GRAMD1C: variants seen among roughly 807,000 people sequenced by gnomAD.
The protein encoded by GRAMD1C is GRAM domain containing 1C.
In GRAMD1C, 89 loss-of-function variants were observed where a neutral mutation model predicts 97.8. The observed-to-expected ratio is 0.91, with a 90% confidence interval of 0.77 to 1.09. GRAMD1C has a LOEUF of 1.09. Ranked by LOEUF, GRAMD1C falls within the 50% of genes least tolerant of loss-of-function variation. GRAMD1C has a pLI of 0.00. For missense variants in GRAMD1C, 740 were observed against 766.4 expected (o/e 0.97, Z 0.41); for synonymous variants, 256 against 267.0 (o/e 0.96, Z 0.40).
At position 113,945,512 on chromosome 3, in the gene GRAMD1C, G is replaced by A. The variant is rs755395885; in HGVS notation, c.*34G>A. 3 of 1,112,064 alleles carry A rather than the reference G, an allele frequency of 2.7e-6. No individual in the cohort carries two copies. Among genetic ancestry groups the A allele is most frequent in the Non-Finnish European group, 4.1e-6 (3 of 739,070 alleles). The allele number at this position is 1,112,064 out of a possible 1,614,324, so 68.9% of individuals were successfully genotyped here. On this transcript the variant is annotated 3_prime_UTR_variant, in exon 18 of 18. Coordinates refer to ENST00000358160, the MANE Select transcript of GRAMD1C (RefSeq NM_017577.5). ...AGGACTAAAACCGCAGAGATACTTGGAACTTAAAGAAAATACCTGGAAGAA... is the reference window on the plus strand; with the variant it reads ...AGGACTAAAACCGCAGAGATACTTGAAACTTAAAGAAAATACCTGGAAGAA...
At chr3:113,943,824 G>T (rs909253280) in intron 17 of GRAMD1C, among the ~76,000 whole-genome samples, 5 of 152,184 alleles carry the variant, frequency 3.3e-5, no homozygotes, top group African/African-American at 1.2e-4. Context: ...TGAGGCAGGA[G>T]AATTGTTTGA....
rs1936962633 is a variant in GRAMD1C at position 113,919,604 on chromosome 3, A to G, written c.1090+3766A>G. 6.6e-6 allele frequency: 4 copies of G among 604,292 alleles called. 1 individual carries two copies. The highest frequency in any genetic ancestry group is 5.9e-5 in the South Asian group (4 of 67,842). 37.4% of individuals were successfully genotyped at this position (604,292 alleles called of 1,614,324 possible). ...TGACATCGGTGCCAGTGTTCACTTG[A>G]GGTATTTTCTTAAAGTGACAATAGT... is the stretch of plus-strand genomic sequence containing the variant. On this transcript the variant is annotated intron_variant, in intron 10 of 17. Transcript: ENST00000358160.
intron 17 of GRAMD1C, among the ~76,000 whole-genome samples, chr3:113,944,921 G>A (rs1937995546): frequency 6.6e-6 from 1 of 152,218 alleles, no homozygotes; most frequent in Non-Finnish European, 1.5e-5. Flanking sequence ...CAGTGTCAAA[G>A]TGTTAAGTAG....
chr3:113,850,651 G>A, intron 2 of GRAMD1C: 2 of 1,606,618 alleles, frequency 1.2e-6, no homozygotes, highest in Non-Finnish European at 1.7e-6. Context: ...TAGGCATGTG[G>A]ACGTCCTTCT....
intron 12 of GRAMD1C, 49 bp downstream of exon 12, chr3:113,933,702 G>T: frequency 1.5e-6 from 2 of 1,319,458 alleles, no homozygotes; most frequent in Non-Finnish European, 2.1e-6. Flanking sequence ...TTATGTCCTG[G>T]TAATTTATTC....
At chr3:113,886,150 C>G (rs1165653292) in intron 6 of GRAMD1C, 1 of 1,456,974 alleles carries the variant, frequency 6.9e-7, no homozygotes, top group Non-Finnish European at 9.1e-7. Flanking sequence ...AGGGTCTGCC[C>G]CTCCCACCCC....
intron 11 of GRAMD1C, among the ~76,000 whole-genome samples, chr3:113,931,507 C>A (rs761353043): frequency 1.3e-5 from 2 of 151,900 alleles, no homozygotes; most frequent in Non-Finnish European, 2.9e-5. Context: ...TACAGGCGCA[C>A]GCCACCATGC....
chr3:113,838,593 G>T, upstream of GRAMD1C: 8 of 279,264 alleles, frequency 2.9e-5, no homozygotes, highest in East Asian at 6.1e-5. Context: ...AAAAAAAAAA[G>T]TTTCCGAGCA....
chr3:113,896,836 A>G (rs1289466398), intron 6 of GRAMD1C, among the ~76,000 whole-genome samples: 1 of 152,218 alleles, frequency 6.6e-6, no homozygotes, highest in Non-Finnish European at 1.5e-5. Context: ...ATGACTAGGT[A>G]GAAATTAGGG....
chr3:113,946,580 A>G lies in GRAMD1C; in HGVS notation c.*1102A>G, dbSNP rs1349880242. 1 of 152,224 alleles carries G rather than the reference A, an allele frequency of 6.6e-6. No individual in the cohort carries two copies. Among genetic ancestry groups the G allele is most frequent in the Admixed American group, 6.5e-5 (1 of 15,286 alleles). 9.4% of individuals were successfully genotyped at this position (152,224 alleles called of 1,614,324 possible). A position where few individuals can be genotyped will look rare whatever the true frequency, so the allele number is the denominator to read the frequency against. ...ACTTTGTAAACTGACTTAAAATCAGATATTTTTTCAAGAGTTAGGGAAAGT... is the reference window on the plus strand; with the variant it reads ...ACTTTGTAAACTGACTTAAAATCAGGTATTTTTTCAAGAGTTAGGGAAAGT... On this transcript the variant is annotated 3_prime_UTR_variant, in exon 18 of 18. Transcript: ENST00000358160.
chr3:113,896,599 A>G, intron 6 of GRAMD1C, among the ~76,000 whole-genome samples: 1 of 152,206 alleles, frequency 6.6e-6, no homozygotes, highest in South Asian at 2.1e-4. Context: ...AATTTCAGTC[A>G]ATGAGAACTA....
At position 113,901,255 on chromosome 3, in the gene GRAMD1C, T is replaced by TAA. The variant is rs1936161169; in HGVS notation, c.656+109_656+110insAA. 11 of 649,800 alleles carry TAA rather than the reference T, an allele frequency of 1.7e-5. No homozygotes were observed. The South Asian group carries it at 1.9e-4, about 11-fold the overall frequency. The allele number at this position is 649,800 out of a possible 1,614,324, so 40.3% of individuals were successfully genotyped here. ...TCTAGTAATTTATCTTTGGCTGCCA[T>TAA]TTGCCCCTTTGTTCTTTGTGGTGGA... is the stretch of plus-strand genomic sequence containing the variant. On this transcript the variant is annotated intron_variant, in intron 7 of 17. Coordinates refer to ENST00000358160, the MANE Select transcript of GRAMD1C (RefSeq NM_017577.5).
At chr3:113,934,597 G>A in intron 13 of GRAMD1C, 62 bp downstream of exon 13, 1 of 749,466 alleles carries the variant, frequency 1.3e-6, no homozygotes, top group East Asian at 2.7e-5. Context: ...AAAATGGATT[G>A]ATTCTTCATT....
chr3:113,888,816 A>C (rs939899867), intron 6 of GRAMD1C, among the ~76,000 whole-genome samples: 1 of 152,228 alleles, frequency 6.6e-6, no homozygotes, highest in Non-Finnish European at 1.5e-5. Flanking sequence ...TTCTTGCAAA[A>C]ACTTGTACCC....
At chr3:113,866,013 C>G (rs534227257) in intron 2 of GRAMD1C, among the ~76,000 whole-genome samples, 5 of 151,828 alleles carry the variant, frequency 3.3e-5, no homozygotes, top group Non-Finnish European at 5.9e-5. Context: ...ATGGTCTGTT[C>G]TGGAGAATGT....
intron 10 of GRAMD1C, among the ~76,000 whole-genome samples, chr3:113,929,943 C>T (rs1028554077): frequency 2.6e-4 from 39 of 152,252 alleles, no homozygotes; most frequent in African/African-American, 9.4e-4. Flanking sequence ...TCGATTTGTG[C>T]TGGGGCATTA....
chr3:113,917,566 A>AC (rs1173206672), intron 10 of GRAMD1C, among the ~76,000 whole-genome samples: 1 of 151,644 alleles, frequency 6.6e-6, no homozygotes, highest in African/African-American at 2.4e-5. Flanking sequence ...AAGCAATCTA[A>AC]CCCCCTCAGC....
intron 6 of GRAMD1C, chr3:113,885,375 C>T: frequency 1.3e-6 from 2 of 1,590,350 alleles, no homozygotes; most frequent in East Asian, 4.5e-5. Flanking sequence ...TCTTCATTTA[C>T]CTTTTGCGGG....
At chr3:113,917,983 G>C (rs1345137714) in intron 10 of GRAMD1C, among the ~76,000 whole-genome samples, 2 of 151,248 alleles carry the variant, frequency 1.3e-5, no homozygotes, top group South Asian at 4.2e-4. Flanking sequence ...GATTATAGGC[G>C]TGAGCCACTG....
Sources: gnomAD v4.1 joint callset for allele counts (sites outside exome capture counted in the v4.1 genomes callset) on GRCh38, gnomAD v4.1.1 for gene constraint, MANE v1.5 for transcripts, NCBI Gene and HGNC (gene_info 2026-07-23, HGNC 2026-07-21) for gene names.